DUSP16: variants seen among roughly 807,000 people sequenced by gnomAD.
The protein encoded by DUSP16 is dual specificity protein phosphatase 16.
A neutral mutation model predicts 58.3 loss-of-function variants in DUSP16; 21 were observed. The ratio of observed to expected loss-of-function variants is 0.36; its 90% CI spans 0.26 to 0.52. The LOEUF is 0.52. DUSP16 is among the 20% of genes least tolerant of loss of function. DUSP16 has a pLI of 0.94. For synonymous variants in DUSP16, 320 were observed against 323.8 expected, an observed-to-expected ratio of 0.99 and a Z score of 0.12; for missense variants, 726 against 819.0, an observed-to-expected ratio of 0.89 and a Z score of 1.39.
chr12:12,527,112 CA>C (rs558097905), intron 1 of DUSP16, among the ~76,000 whole-genome samples: 3 of 152,278 alleles, frequency 2.0e-5, no homozygotes, highest in African/African-American at 7.2e-5. Context: ...AGCTCAAGTT[CA>C]AATTCTCAGT....
chr12:12,523,622 A>T (rs1159730096), intron 1 of DUSP16, among the ~76,000 whole-genome samples: 2 of 152,248 alleles, frequency 1.3e-5, no homozygotes, highest in African/African-American at 4.8e-5. Context: ...GAAGTACAAA[A>T]GTCATCTCTA....
chr12:12,501,445 C>CCGAATCAAGGAGATTTGGATG (rs1943909272), intron 3 of DUSP16, among the ~76,000 whole-genome samples: 1 of 152,202 alleles, frequency 6.6e-6, no homozygotes, highest in Admixed American at 6.5e-5. Flanking sequence ...TTCACTAAGT[C>CCGAATCAAGGAGATTTGGATG]ACAGTCTTGC....
intron 1 of DUSP16, among the ~76,000 whole-genome samples, chr12:12,532,590 A>AT (rs1944406944): frequency 6.6e-6 from 1 of 152,214 alleles, no homozygotes; most frequent in African/African-American, 2.4e-5. Flanking sequence ...CCCAGGAACT[A>AT]TTACCAGGTC....
chr12:12,495,923 A>G (rs1261511258), intron 4 of DUSP16, among the ~76,000 whole-genome samples: 1 of 152,246 alleles, frequency 6.6e-6, no homozygotes, highest in Non-Finnish European at 1.5e-5. Flanking sequence ...GTGTCCCTAT[A>G]AACCAGGAAC....
intron 4 of DUSP16, among the ~76,000 whole-genome samples, chr12:12,498,461 C>A (rs1237005900): frequency 1.3e-5 from 2 of 151,844 alleles, no homozygotes; most frequent in Non-Finnish European, 2.9e-5. Context: ...GTCACCCAGG[C>A]TAGAGTACAC....
At position 12,477,854 on chromosome 12, in the gene DUSP16, A is replaced by T; in HGVS notation, c.977T>A (p.Val326Asp). 6.2e-7 allele frequency: 1 copy of T among 1,614,102 alleles called. No individual in the cohort carries two copies. Among genetic ancestry groups the T allele is most frequent in the Non-Finnish European group, 8.5e-7 (1 of 1,180,026 alleles). The part of the protein sequence containing the change: ...LEKPNEPVPA[V>D]SEGGQKSETP... Reference sequence around the variant, plus strand: ...CTCGCTTTTCTGTCCACCCTCTGAGACAGCAGGGACAGGTTCATTTGGCTT... The same window carrying T: ...CTCGCTTTTCTGTCCACCCTCTGAGTCAGCAGGGACAGGTTCATTTGGCTT... Residue 326 changes from valine to aspartate, a missense_variant, in exon 7 of 7, where the codon GTC becomes GAC. Transcript: ENST00000298573. The surrounding 1 kb of genome is among the most constrained non-coding windows in gnomAD (Gnocchi z 4.1).
At chr12:12,504,710 A>G (rs1275557757) in intron 3 of DUSP16, among the ~76,000 whole-genome samples, 3 of 126,668 alleles carry the variant, frequency 2.4e-5, no homozygotes, top group Admixed American at 8.1e-5. Flanking sequence ...AAAAAAAAAA[A>G]AAGAAAGAAA....
At chr12:12,509,027 G>A (rs375703728) in intron 3 of DUSP16, among the ~76,000 whole-genome samples, 2 of 152,162 alleles carry the variant, frequency 1.3e-5, no homozygotes. Flanking sequence ...GATGTAGACT[G>A]GTAACTATTC....
At chr12:12,539,581 G>T (rs1410583390) in intron 1 of DUSP16, among the ~76,000 whole-genome samples, 3 of 152,066 alleles carry the variant, frequency 2.0e-5, no homozygotes, top group East Asian at 1.9e-4. Context: ...ATTACTAACG[G>T]CTAATCACCA....
intron 1 of DUSP16, among the ~76,000 whole-genome samples, chr12:12,532,565 T>G (rs1944406342): frequency 6.6e-6 from 1 of 152,222 alleles, no homozygotes. Flanking sequence ...TATAAGGTCA[T>G]GACATACATT....
intron 1 of DUSP16, among the ~76,000 whole-genome samples, chr12:12,535,292 T>C (rs1944449115): frequency 6.6e-6 from 1 of 152,144 alleles, no homozygotes; most frequent in South Asian, 2.1e-4. Flanking sequence ...GCAAAACAAA[T>C]AGTAATGGGC....
At chr12:12,503,477 G>A (rs1189422703) in intron 3 of DUSP16, among the ~76,000 whole-genome samples, 7 of 152,146 alleles carry the variant, frequency 4.6e-5, no homozygotes, top group Non-Finnish European at 1.0e-4. Flanking sequence ...TGCCCACCTC[G>A]GCCTCCCCGT....
chr12:12,519,335 T>C (rs1944196868), intron 3 of DUSP16, among the ~76,000 whole-genome samples: 1 of 152,216 alleles, frequency 6.6e-6, no homozygotes, highest in South Asian at 2.1e-4. Flanking sequence ...TTTAAAACAA[T>C]TCCCCTAATT....
intron 1 of DUSP16, among the ~76,000 whole-genome samples, chr12:12,525,023 T>C (rs985947713): frequency 6.6e-6 from 1 of 152,212 alleles, no homozygotes. Flanking sequence ...CAACTTTTAG[T>C]AGTCTCATCT....
chr12:12,502,195 G>T (rs550992453), intron 3 of DUSP16, among the ~76,000 whole-genome samples: 1 of 152,284 alleles, frequency 6.6e-6, no homozygotes, highest in South Asian at 2.1e-4. Context: ...AGTGCAGGAA[G>T]TTGAGAGGGA....
At chr12:12,490,810 CAT>C (rs1943751317) in intron 4 of DUSP16, among the ~76,000 whole-genome samples, 1 of 152,206 alleles carries the variant, frequency 6.6e-6, no homozygotes. Flanking sequence ...ATTTGACAAA[CAT>C]ATATATGGCA....
At chr12:12,534,066 A>G (rs1255960837) in intron 1 of DUSP16, among the ~76,000 whole-genome samples, 7 of 152,158 alleles carry the variant, frequency 4.6e-5, no homozygotes, top group African/African-American at 1.7e-4. Flanking sequence ...CCTTTGTGAC[A>G]GGGGATTTTC....
chr12:12,502,549 CA>C (rs991436364), intron 3 of DUSP16, among the ~76,000 whole-genome samples: 2 of 138,848 alleles, frequency 1.4e-5, no homozygotes, highest in African/African-American at 5.3e-5. Context: ...TTCATGGTTT[CA>C]TTTTTTTTTT....
intron 1 of DUSP16, among the ~76,000 whole-genome samples, chr12:12,555,357 G>A (rs1944791632): frequency 6.6e-6 from 1 of 152,196 alleles, no homozygotes; most frequent in South Asian, 2.1e-4. Context: ...AGTGCTCTAA[G>A]CTAGAGATAT....
Sources: gnomAD v4.1 joint callset for allele counts (sites outside exome capture counted in the v4.1 genomes callset) on GRCh38, gnomAD v4.1.1 for gene constraint, Gnocchi (gnomAD v3.1) non-coding constraint, MANE v1.5 for transcripts, NCBI Gene and HGNC (gene_info 2026-07-23, HGNC 2026-07-21) for gene names.